Variants in PUM1 observed in about 807,000 individuals in gnomAD.
PUM1 encodes pumilio homolog 1.
A neutral mutation model predicts 131.8 loss-of-function variants in PUM1; 13 were observed. The observed-to-expected ratio is 0.10, with a 90% confidence interval of 0.06 to 0.16. The LOEUF (loss-of-function observed/expected upper bound fraction) is 0.16, where lower values mean the gene tolerates loss of function less well. PUM1 is among the 10% of genes least tolerant of loss of function. PUM1 has a pLI of 1.00. For synonymous variants in PUM1, 509 were observed against 556.5 expected (o/e 0.91, Z 1.20); for missense variants, 961 against 1,512.4 (o/e 0.64, Z 6.05).
At chr1:30,951,069 A>G (rs1283319573) in intron 16 of PUM1, among the ~76,000 whole-genome samples, 1 of 152,114 alleles carries the variant, frequency 6.6e-6, no homozygotes, top group Non-Finnish European at 1.5e-5. Context: ...TTGGCTTATT[A>G]TTTTCATTTC....
At chr1:30,993,963 G>C (rs191276653) in intron 6 of PUM1, among the ~76,000 whole-genome samples, 1 of 152,136 alleles carries the variant, frequency 6.6e-6, no homozygotes, top group African/African-American at 2.4e-5. Context: ...CCAGCTACTC[G>C]GGAGGCTGAA....
At position 31,038,984 on chromosome 1, in the gene PUM1, A is replaced by ATAT; in HGVS notation, c.364-10121_364-10120insATA. Among the ~76,000 whole-genome samples the ATAT allele has an allele frequency of 1.3e-3, 66 of 49,414 alleles. 3 individuals carry two copies. The highest frequency in any genetic ancestry group is 8.7e-3 in the African/African-American group (42 of 4,832). 32.4% of individuals were successfully genotyped at this position (49,414 alleles called of 152,430 possible). ...TATATATATATATATATATATATAT[A>ATAT]TTTTTTTTTTTTTTTTCCTTTTCTC... On this transcript the variant is annotated intron_variant, in intron 2 of 21. Transcript: ENST00000426105.
At chr1:30,953,421 G>A (rs1005211177) in intron 15 of PUM1, among the ~76,000 whole-genome samples, 23 of 152,132 alleles carry the variant, frequency 1.5e-4, no homozygotes, top group African/African-American at 5.3e-4. Flanking sequence ...GAACAACAAA[G>A]AAAGGTGGTA....
intron 2 of PUM1, among the ~76,000 whole-genome samples, chr1:31,038,227 A>C (rs1468450641): frequency 6.6e-6 from 1 of 152,048 alleles, no homozygotes; most frequent in Non-Finnish European, 1.5e-5. Context: ...AGAGAGAGAA[A>C]TATGTTCAGA....
intron 21 of PUM1, 123 bp downstream of exon 21, chr1:30,936,520 G>T: frequency 2.1e-6 from 2 of 961,914 alleles, no homozygotes; most frequent in Non-Finnish European, 1.5e-6. Context: ...ACAGAACACA[G>T]CATGGGACAG....
chr1:31,055,188 C>T (rs780509156), intron 2 of PUM1: 15 of 369,374 alleles, frequency 4.1e-5, no homozygotes, highest in Non-Finnish European at 8.1e-5. Flanking sequence ...AGATTCTCCA[C>T]CTAGAGATGT....
intron 14 of PUM1, among the ~76,000 whole-genome samples, chr1:30,961,959 G>A (rs1010838707): frequency 2.0e-5 from 3 of 152,180 alleles, no homozygotes; most frequent in Non-Finnish European, 4.4e-5. Flanking sequence ...GTGTGGGCCA[G>A]AAAGAAATGT....
intron 21 of PUM1, among the ~76,000 whole-genome samples, chr1:30,933,721 G>A (rs61778246): frequency 0.072 from 11,012 of 152,296 alleles, 664 homozygotes; most frequent in East Asian, 0.28. Context: ...GCAAGCATGA[G>A]CACAGGCCCC....
chr1:30,978,951 T>C (rs569809498), intron 9 of PUM1, among the ~76,000 whole-genome samples: 159 of 151,666 alleles, frequency 1.0e-3, no homozygotes, highest in Non-Finnish European at 2.0e-3. Flanking sequence ...CTCCAAAAAT[T>C]TAACAATTAG....
chr1:30,980,290 A>G, intron 8 of PUM1, 127 bp from the exon 9 acceptor site: 1 of 754,194 alleles, frequency 1.3e-6, no homozygotes, highest in Non-Finnish European at 2.3e-6. Context: ...AGAAGACGGG[A>G]CAGGTTGAGG....
At chr1:30,949,993 T>C in intron 17 of PUM1, 134 bp downstream of exon 17, 1 of 968,870 alleles carries the variant, frequency 1.0e-6, no homozygotes, top group Non-Finnish European at 1.5e-6. Flanking sequence ...ATGCTTGCCA[T>C]GCACAAAAAG....
intron 1 of PUM1, among the ~76,000 whole-genome samples, chr1:31,065,382 C>T (rs966343221): frequency 2.6e-5 from 4 of 152,118 alleles, no homozygotes; most frequent in Non-Finnish European, 5.9e-5. Context: ...CAGCATTTTC[C>T]TAGCTTCGAC....
chr1:30,999,643 A>AAAAAG (rs1642131090), intron 5 of PUM1, among the ~76,000 whole-genome samples: 1 of 131,738 alleles, frequency 7.6e-6, no homozygotes, highest in African/African-American at 2.7e-5. Flanking sequence ...AAAAAAAAAA[A>AAAAAG]GGTGCTGAAC....
chr1:30,933,119 G>A lies in PUM1; in HGVS notation c.*92C>T. 6.9e-7 allele frequency: 1 copy of A among 1,452,704 alleles called. No homozygotes were observed. The highest frequency in any genetic ancestry group is 9.2e-7 in the Non-Finnish European group (1 of 1,086,728). The allele number at this position is 1,452,704 out of a possible 1,614,324, so 90.0% of individuals were successfully genotyped here. ...CTGGAGCAACCACTTGCCCGTCTCA[G>A]ACTCTACACTAGAACATTTCTGGTT... On this transcript the variant is annotated 3_prime_UTR_variant, in exon 22 of 22. Coordinates refer to ENST00000426105, the MANE Select transcript of PUM1 (RefSeq NM_001020658.2).
chr1:30,963,192 A>G (rs1640488172), intron 14 of PUM1, among the ~76,000 whole-genome samples: 1 of 152,216 alleles, frequency 6.6e-6, no homozygotes, highest in Non-Finnish European at 1.5e-5. Context: ...CAGCAGGTAA[A>G]TGCCAGGTCA....
At chr1:31,015,469 G>A (rs1191679868) in intron 3 of PUM1, among the ~76,000 whole-genome samples, 1 of 151,518 alleles carries the variant, frequency 6.6e-6, no homozygotes, top group Admixed American at 6.6e-5. Flanking sequence ...AGCTTCCCGA[G>A]TAGCTGGGAA....
At chr1:31,023,858 G>A (rs1302075344) in intron 3 of PUM1, among the ~76,000 whole-genome samples, 1 of 151,274 alleles carries the variant, frequency 6.6e-6, no homozygotes, top group Non-Finnish European at 1.5e-5. Context: ...GAACCCGGGA[G>A]GCGGAATTTG....
In PUM1 at chr1:30,933,124, T is replaced by C; in HGVS notation, c.*87A>G. 2.0e-6 allele frequency: 3 copies of C among 1,488,764 alleles called. No homozygotes were observed. The highest frequency in any genetic ancestry group is 2.7e-6 in the Non-Finnish European group (3 of 1,107,114). 92.2% of individuals were successfully genotyped at this position (1,488,764 alleles called of 1,614,324 possible). ...GCAACCACTTGCCCGTCTCAGACTC[T>C]ACACTAGAACATTTCTGGTTGCTGG... On this transcript the variant is annotated 3_prime_UTR_variant, in exon 22 of 22. Coordinates refer to ENST00000426105, the MANE Select transcript of PUM1 (RefSeq NM_001020658.2).
At chr1:31,005,807 G>A (rs926559569) in intron 5 of PUM1, 46 bp downstream of exon 5, 1 of 1,499,948 alleles carries the variant, frequency 6.7e-7, no homozygotes, top group South Asian at 1.4e-5. Flanking sequence ...GAGAGAGAGA[G>A]AGAGAGAGAG....
Sources: allele counts gnomAD v4.1 joint callset (sites outside exome capture counted in the v4.1 genomes callset), GRCh38; gene constraint gnomAD v4.1.1; transcripts MANE v1.5; gene names NCBI Gene and HGNC (gene_info 2026-07-23, HGNC 2026-07-21).